The following KCND2 variants were observed in gnomAD, a reference collection of about 807,000 sequenced individuals.
KCND2 encodes potassium voltage-gated channel subfamily D member 2, also known as A-type voltage-gated potassium channel KCND2.
A neutral mutation model predicts 54.4 loss-of-function variants in KCND2; 16 were observed. The observed-to-expected ratio is 0.29, with a 90% confidence interval of 0.20 to 0.45. The LOEUF is 0.45. Among genes scored for constraint, KCND2 ranks in the 20% least tolerant of loss-of-function variants. The pLI, the probability that KCND2 is intolerant of heterozygous loss-of-function variation, is 1.00. For synonymous variants in KCND2, 317 were observed against 310.7 expected (o/e 1.02, Z -0.21); for missense variants, 486 against 824.2 (o/e 0.59, Z 5.02).
intron 1 of KCND2, among the ~76,000 whole-genome samples, chr7:120,582,910 T>G (rs1384919562): frequency 6.6e-6 from 1 of 152,010 alleles, no homozygotes. Flanking sequence ...GCTTATGACA[T>G]TAGTTTCTCA....
intron 1 of KCND2, among the ~76,000 whole-genome samples, chr7:120,304,977 G>T (rs1387896059): frequency 6.6e-6 from 1 of 152,078 alleles, no homozygotes; most frequent in African/African-American, 2.4e-5. Flanking sequence ...ATTGTCCTTG[G>T]AGACATTGTC....
intron 1 of KCND2, among the ~76,000 whole-genome samples, chr7:120,707,620 C>G (rs754089518): frequency 4.6e-5 from 7 of 152,078 alleles, no homozygotes; most frequent in Non-Finnish European, 8.8e-5. Context: ...TTGCTAGACT[C>G]CTGGGGGCAC....
intron 1 of KCND2, among the ~76,000 whole-genome samples, chr7:120,312,025 C>T (rs1030018930): frequency 6.6e-6 from 1 of 152,136 alleles, no homozygotes; most frequent in Non-Finnish European, 1.5e-5. Context: ...CTGCCTCAGC[C>T]TCATGAGTAG....
chr7:120,510,862 C>T (rs981519650), intron 1 of KCND2, among the ~76,000 whole-genome samples: 1 of 151,898 alleles, frequency 6.6e-6, no homozygotes, highest in Non-Finnish European at 1.5e-5. Flanking sequence ...CCCCCAACCC[C>T]TGGCCACCTC....
chr7:120,395,956 G>T (rs1197404078), intron 1 of KCND2, among the ~76,000 whole-genome samples: 3 of 151,972 alleles, frequency 2.0e-5, no homozygotes, highest in Non-Finnish European at 4.4e-5. Context: ...CAAGTAAACT[G>T]CCTGTTTTAC....
At chr7:120,284,448 T>G (rs532847073) in intron 1 of KCND2, among the ~76,000 whole-genome samples, 1 of 152,270 alleles carries the variant, frequency 6.6e-6, no homozygotes, top group South Asian at 2.1e-4. Flanking sequence ...TTCAAACTTA[T>G]GAAAATATGT....
chr7:120,283,342 G>C (rs1262858394), intron 1 of KCND2, among the ~76,000 whole-genome samples: 1 of 152,174 alleles, frequency 6.6e-6, no homozygotes, highest in Admixed American at 6.5e-5. Flanking sequence ...GGAGCCATTA[G>C]AGAGTTGTGA....
At chr7:120,515,441 G>A (rs558777315) in intron 1 of KCND2, among the ~76,000 whole-genome samples, 1 of 152,196 alleles carries the variant, frequency 6.6e-6, no homozygotes, top group Admixed American at 6.6e-5. Flanking sequence ...AAGGTTAAAG[G>A]GAAAGAGGAG....
chr7:120,326,658 T>G (rs1418666236), intron 1 of KCND2, among the ~76,000 whole-genome samples: 5 of 152,102 alleles, frequency 3.3e-5, no homozygotes, highest in Non-Finnish European at 7.4e-5. Context: ...ATGATCAAAA[T>G]AAATATTAAT....
At chr7:120,551,130 T>C (rs1192361052) in intron 1 of KCND2, among the ~76,000 whole-genome samples, 3 of 152,218 alleles carry the variant, frequency 2.0e-5, no homozygotes, top group African/African-American at 7.2e-5. Flanking sequence ...TATACCATTT[T>C]CAAGAGAGAT....
intron 1 of KCND2, among the ~76,000 whole-genome samples, chr7:120,561,683 C>G (rs1168470683): frequency 2.1e-5 from 3 of 139,976 alleles, no homozygotes; most frequent in East Asian, 4.3e-4. Flanking sequence ...ACAATCTCGG[C>G]TCACTGCATC....
intron 1 of KCND2, among the ~76,000 whole-genome samples, chr7:120,699,019 G>A (rs1250497061): frequency 3.9e-5 from 6 of 152,228 alleles, no homozygotes; most frequent in African/African-American, 1.2e-4. Flanking sequence ...GGTGGCTCAC[G>A]CCTGTAATCC....
At position 120,622,689 on chromosome 7, in the gene KCND2, A is replaced by T. The variant is rs78441929; in HGVS notation, c.1116-110214A>T. 6.2e-3 allele frequency among the ~76,000 whole-genome samples: 786 copies of T among 125,920 alleles called. 6 individuals are homozygous for T. Among genetic ancestry groups the T allele is most frequent in the South Asian group, 0.027 (102 of 3,758 alleles). The allele number at this position is 125,920 out of a possible 152,430, so 82.6% of individuals were successfully genotyped here. On this transcript the variant is annotated intron_variant, in intron 1 of 5. Transcript: ENST00000331113. ...TACACACACACACACACACACACACACTCTCTCTCTCTCTCTCTCTCTCTC... is the reference window on the plus strand; with the variant it reads ...TACACACACACACACACACACACACTCTCTCTCTCTCTCTCTCTCTCTCTC...
chr7:120,673,364 A>G (rs1792017981), intron 1 of KCND2, among the ~76,000 whole-genome samples: 2 of 152,060 alleles, frequency 1.3e-5, no homozygotes. Flanking sequence ...GTTTGCAATT[A>G]TATTCATTTT....
intron 1 of KCND2, among the ~76,000 whole-genome samples, chr7:120,419,484 C>T (rs1801577588): frequency 1.3e-5 from 2 of 152,166 alleles, no homozygotes; most frequent in African/African-American, 2.4e-5. Flanking sequence ...ACTAAGGAAT[C>T]TCTTTGTAAT....
intron 1 of KCND2, among the ~76,000 whole-genome samples, chr7:120,612,185 C>G (rs1299961389): frequency 6.6e-6 from 1 of 152,176 alleles, no homozygotes; most frequent in Non-Finnish European, 1.5e-5. Context: ...ATTTGTATAT[C>G]AAGGGTTGGT....
chr7:120,348,005 G>T (rs955980949), intron 1 of KCND2, among the ~76,000 whole-genome samples: 8 of 152,048 alleles, frequency 5.3e-5, no homozygotes, highest in African/African-American at 1.9e-4. Context: ...TTTCAGGAAG[G>T]CGCTAAACTC....
intron 1 of KCND2, among the ~76,000 whole-genome samples, chr7:120,554,578 T>C (rs1344556100): frequency 6.6e-6 from 1 of 151,990 alleles, no homozygotes; most frequent in Non-Finnish European, 1.5e-5. Flanking sequence ...CTGGCTAATT[T>C]TTTGTATTTT....
intron 1 of KCND2, among the ~76,000 whole-genome samples, chr7:120,515,593 G>A (rs1447444957): frequency 1.3e-5 from 2 of 151,996 alleles, no homozygotes; most frequent in Non-Finnish European, 2.9e-5. Context: ...ACCTTTGGAG[G>A]GATATGTTCC....
Sources: gnomAD v4.1 joint callset for allele counts (sites outside exome capture counted in the v4.1 genomes callset) on GRCh38, gnomAD v4.1.1 for gene constraint, MANE v1.5 for transcripts, NCBI Gene and HGNC (gene_info 2026-07-23, HGNC 2026-07-21) for gene names.